ANKRD55: variants seen among roughly 807,000 people sequenced by gnomAD.
ANKRD55 encodes ankyrin repeat domain-containing protein 55.
A neutral mutation model predicts 60.6 loss-of-function variants in ANKRD55; 41 were observed. The observed-to-expected ratio is 0.68, with a 90% CI of 0.53 to 0.88. ANKRD55 has a LOEUF of 0.88. Among genes scored for constraint, ANKRD55 ranks in the 40% least tolerant of loss-of-function variants. The pLI is 0.00. For synonymous variants in ANKRD55, 264 were observed against 290.3 expected (o/e 0.91, Z 0.92); for missense variants, 732 against 767.6 (o/e 0.95, Z 0.55).
chr5:56,188,102 A>G (rs576813428), intron 2 of ANKRD55, among the ~76,000 whole-genome samples: 1 of 152,302 alleles, frequency 6.6e-6, no homozygotes, highest in South Asian at 2.1e-4. Context: ...ATCCCTGGTC[A>G]GGGGCAGAAC....
intron 2 of ANKRD55, among the ~76,000 whole-genome samples, chr5:56,227,784 T>C (rs1760156517): frequency 6.6e-6 from 1 of 152,112 alleles, no homozygotes; most frequent in African/African-American, 2.4e-5. Flanking sequence ...TCCTCATCGA[T>C]AAAAGGGGGT....
At chr5:56,109,713 T>C (rs893353934) in intron 10 of ANKRD55, among the ~76,000 whole-genome samples, 4 of 152,156 alleles carry the variant, frequency 2.6e-5, no homozygotes, top group Admixed American at 6.6e-5. Flanking sequence ...TAGATACATA[T>C]ACATTTGTAT....
chr5:56,102,368 G>A, intron 11 of ANKRD55, 126 bp downstream of exon 11: 2 of 583,392 alleles, frequency 3.4e-6, no homozygotes, highest in Non-Finnish European at 2.8e-6. Context: ...TCTAGCCGGG[G>A]CGACAGCGCA....
chr5:56,112,817 C>T (rs1315319495), intron 9 of ANKRD55, among the ~76,000 whole-genome samples: 1 of 152,190 alleles, frequency 6.6e-6, no homozygotes, highest in Admixed American at 6.5e-5. Context: ...TGCAACACTA[C>T]TTTCTGGAGT....
chr5:56,113,803 C>T, intron 9 of ANKRD55, among the ~76,000 whole-genome samples: 1 of 151,778 alleles, frequency 6.6e-6, no homozygotes, highest in Non-Finnish European at 1.5e-5. Flanking sequence ...GTGCATGCCA[C>T]CACGCCCAGC....
Position 56,132,356 on chromosome 5 carries a change from G to A in ANKRD55, c.613-5250C>T, listed in dbSNP as rs539001375. Among the ~76,000 whole-genome samples, 6 of 151,370 alleles carry A rather than the reference G, an allele frequency of 4.0e-5. No individual in the cohort carries two copies. In the South Asian group the frequency reaches 1.2e-3, roughly 31 times the overall value. The stretch of plus-strand genomic sequence containing the variant: ...AGGAACAAAGAATAAGGGCATGGGC[G>A]GATCACAAGGTCAGGAGATCGAGAC... On this transcript the variant is annotated intron_variant, in intron 7 of 11. Transcript: ENST00000341048.
At chr5:56,178,257 A>G (rs982305637) in intron 3 of ANKRD55, among the ~76,000 whole-genome samples, 4 of 150,532 alleles carry the variant, frequency 2.7e-5, no homozygotes, top group African/African-American at 4.9e-5. Flanking sequence ...TGGTGTGATC[A>G]TGGCTCCCTG....
chr5:56,165,552 A>C (rs1758426821), intron 5 of ANKRD55, among the ~76,000 whole-genome samples: 1 of 152,166 alleles, frequency 6.6e-6, no homozygotes, highest in African/African-American at 2.4e-5. Context: ...ACAATGTACT[A>C]GGTGCTGAGT....
In ANKRD55 at chr5:56,166,199, T is replaced by TTCCTTCCTTCCTTC. The variant is rs769664867; in HGVS notation, c.422+4494_422+4495insGAAGGAAGGAAGGA. ...CTTCCTTCCTTCCTTCCTTCCTTCC[T>TTCCTTCCTTCCTTC]TCTCTCTCTCTCTCTCTCTTTCTTT... On this transcript the variant is annotated intron_variant, in intron 5 of 11. Coordinates refer to ENST00000341048, the MANE Select transcript of ANKRD55 (RefSeq NM_024669.3). Among the ~76,000 whole-genome samples, 250 of 96,100 alleles carry TTCCTTCCTTCCTTC rather than the reference T, an allele frequency of 2.6e-3. 23 individuals are homozygous for TTCCTTCCTTCCTTC. The highest frequency in any genetic ancestry group is 9.4e-3 in the African/African-American group (161 of 17,186). The allele number at this position is 96,100 out of a possible 152,430, so 63.0% of individuals were successfully genotyped here. A position where few individuals can be genotyped will look rare whatever the true frequency, so the allele number is the denominator to read the frequency against.
At position 56,183,627 on chromosome 5, in the gene ANKRD55, T is replaced by A. The variant is rs1440679629; in HGVS notation, c.66A>T (p.Ser22=). 6.2e-7 allele frequency: 1 copy of A among 1,614,128 alleles called. No individual in the cohort carries two copies. Among genetic ancestry groups the A allele is most frequent in the Admixed American group, 1.7e-5 (1 of 60,016 alleles). The change falls in exon 3 of 12, where the codon TCA becomes TCT. Residue 22 remains serine, a synonymous_variant. Transcript: ENST00000341048. ...CCATGGTCAGGTCAACTTCCTCAGA[T>A]GAGTCACCTTCATGCATAAAACAGA... ...PSVFDQQRGD[S]SEEVDLTMVY...
At chr5:56,110,439 T>C (rs1756648559) in intron 10 of ANKRD55, 1 of 152,296 alleles carries the variant, frequency 6.6e-6, no homozygotes. Context: ...GATACATTTA[T>C]TTAAAAGGTG....
In ANKRD55 at chr5:56,100,102, T is replaced by C. The variant is rs1189126883; in HGVS notation, c.*81A>G. 1.3e-6 allele frequency: 2 copies of C among 1,592,610 alleles called. No homozygotes were observed. Among genetic ancestry groups the C allele is most frequent in the East Asian group, 4.5e-5 (2 of 44,610 alleles). On this transcript the variant is annotated 3_prime_UTR_variant, in exon 12 of 12. Coordinates refer to ENST00000341048, the MANE Select transcript of ANKRD55 (RefSeq NM_024669.3). Reference sequence around the variant, plus strand: ...ATGCAGCTTACTAAATTGGTCTTCGTTCTTACAAACTGGAGTAATCTTGTC... The same window carrying C: ...ATGCAGCTTACTAAATTGGTCTTCGCTCTTACAAACTGGAGTAATCTTGTC...
At chr5:56,221,862 T>G (rs1759973569) in intron 2 of ANKRD55, among the ~76,000 whole-genome samples, 1 of 152,204 alleles carries the variant, frequency 6.6e-6, no homozygotes, top group Non-Finnish European at 1.5e-5. Context: ...TCGAACTGGG[T>G]GGAGCCCACC....
rs1407380119 is a variant in ANKRD55 at position 56,111,801 on chromosome 5, G to A, written c.966-19C>T. On this transcript the variant is annotated intron_variant, in intron 9 of 11. Coordinates refer to ENST00000341048, the MANE Select transcript of ANKRD55 (RefSeq NM_024669.3). The stretch of plus-strand genomic sequence containing the variant: ...CTCTGTTCTATGCGAATATAAAAGA[G>A]CAGGGATGATATGTGAGTATGGGAA... 13 of 1,477,468 alleles carry A rather than the reference G, an allele frequency of 8.8e-6. No individual in the cohort carries two copies. The African/African-American group carries it at 1.7e-4, about 19-fold the overall frequency. The allele number at this position is 1,477,468 out of a possible 1,614,324, so 91.5% of individuals were successfully genotyped here.
intron 2 of ANKRD55, among the ~76,000 whole-genome samples, chr5:56,215,547 C>T (rs563318601): frequency 6.6e-6 from 1 of 152,338 alleles, no homozygotes; most frequent in East Asian, 1.9e-4. Flanking sequence ...GGACTCTAGC[C>T]ACCATCACCT....
chr5:56,107,932 C>T (rs113309009), intron 10 of ANKRD55, among the ~76,000 whole-genome samples: 6,130 of 151,066 alleles, frequency 0.041, 422 homozygotes, highest in African/African-American at 0.14. Context: ...TGCAGTGGTG[C>T]GATCTTGGCT....
At chr5:56,146,947 A>T (rs778697529) in intron 6 of ANKRD55, 3 of 152,232 alleles carry the variant, frequency 2.0e-5, no homozygotes, top group Non-Finnish European at 4.4e-5. Context: ...TGAATTAAAC[A>T]ATGGTAATGC....
chr5:56,151,927 A>G (rs1758063377), intron 6 of ANKRD55, among the ~76,000 whole-genome samples: 1 of 133,078 alleles, frequency 7.5e-6, no homozygotes, highest in Non-Finnish European at 1.6e-5. Context: ...ATATATGTAT[A>G]TATGTATATA....
At chr5:56,144,029 T>C in intron 6 of ANKRD55, 100 bp from the exon 7 acceptor site, 1 of 1,484,712 alleles carries the variant, frequency 6.7e-7, no homozygotes, top group South Asian at 1.2e-5. Flanking sequence ...CATCACCAGA[T>C]GCGTTGGTTG....
Sources: gnomAD v4.1 joint callset for allele counts (sites outside exome capture counted in the v4.1 genomes callset) on GRCh38, gnomAD v4.1.1 for gene constraint, MANE v1.5 for transcripts, NCBI Gene and HGNC (gene_info 2026-07-23, HGNC 2026-07-21) for gene names.